SCRG1: variants seen among roughly 807,000 people sequenced by gnomAD.
The protein encoded by SCRG1 is stimulator of chondrogenesis 1.
SCRG1 carries 3 observed loss-of-function variants against 7.7 expected under a neutral mutation model. The observed-to-expected ratio is 0.39, with a 90% CI of 0.18 to 1.01. The LOEUF is 1.01. Ranked by LOEUF, SCRG1 falls within the 50% of genes least tolerant of loss-of-function variation. The probability of loss-of-function intolerance (pLI) is 0.36; values close to 1 mark genes in which losing one functional copy is unlikely to be tolerated. For missense variants in SCRG1, 110 were observed against 117.2 expected (o/e 0.94, Z 0.28); for synonymous variants, 46 against 41.2 (o/e 1.12, Z -0.44).
chr4:173,489,760 G>C, the SCRG1 span, among the ~76,000 whole-genome samples: 1 of 152,168 alleles, frequency 6.6e-6, no homozygotes. Flanking sequence ...GCTTAAGAAA[G>C]AGGTTAATGA....
At chr4:173,429,997 TG>T in the SCRG1 span, among the ~76,000 whole-genome samples, 2 of 12,134 alleles carry the variant, frequency 1.6e-4, no homozygotes, top group Admixed American at 1.8e-3. Flanking sequence ...TTGATGGCTA[TG>T]GGTTTTTTTT....
At chr4:173,437,529 G>A in the SCRG1 span, among the ~76,000 whole-genome samples, 1 of 152,090 alleles carries the variant, frequency 6.6e-6, no homozygotes, top group Non-Finnish European at 1.5e-5. Flanking sequence ...AAAACAAAAG[G>A]TCTTATTAAC....
the SCRG1 span, among the ~76,000 whole-genome samples, chr4:173,485,101 ATT>A: frequency 0.068 from 921 of 13,514 alleles, 201 homozygotes; most frequent in Admixed American, 0.16. Context: ...TATATTATAT[ATT>A]ATATATTATA....
chr4:173,505,649 C>G, the SCRG1 span, among the ~76,000 whole-genome samples: 1 of 152,040 alleles, frequency 6.6e-6, no homozygotes, highest in Non-Finnish European at 1.5e-5. This position sits in a 1 kb window ranked among gnomAD's most constrained non-coding sequence, Gnocchi z 4.4. Context: ...TTTGCCTGTT[C>G]TATCTCACTC....
chr4:173,413,049 C>T, the SCRG1 span, among the ~76,000 whole-genome samples: 1 of 151,998 alleles, frequency 6.6e-6, no homozygotes. Flanking sequence ...TCCTGCCACT[C>T]TGTGAACCAC....
At chr4:173,448,141 C>CAGG in the SCRG1 span, among the ~76,000 whole-genome samples, 1 of 152,138 alleles carries the variant, frequency 6.6e-6, no homozygotes, top group African/African-American at 2.4e-5. Flanking sequence ...AAAAACCCAT[C>CAGG]AGGATGGGGG....
the SCRG1 span, among the ~76,000 whole-genome samples, chr4:173,493,502 C>A: frequency 6.6e-6 from 1 of 151,854 alleles, no homozygotes; most frequent in African/African-American, 2.4e-5. Flanking sequence ...CTTGTAGTCC[C>A]AGCTACTTGG....
At chr4:173,486,215 A>G in the SCRG1 span, among the ~76,000 whole-genome samples, 4 of 152,186 alleles carry the variant, frequency 2.6e-5, no homozygotes, top group African/African-American at 9.6e-5. Flanking sequence ...TTTTTTAAAG[A>G]TTAAAGCAAT....
the SCRG1 span, among the ~76,000 whole-genome samples, chr4:173,483,824 T>TATATATA: frequency 3.2e-5 from 3 of 93,624 alleles, 1 homozygote; most frequent in Non-Finnish European, 5.4e-5. Context: ...ATATATATAA[T>TATATATA]ATATATAATA....
chr4:173,497,947 G>T, the SCRG1 span, among the ~76,000 whole-genome samples: 98,324 of 151,954 alleles, frequency 0.65, 34,085 homozygotes, highest in Non-Finnish European at 0.79. Flanking sequence ...CCCAAAGTGC[G>T]GGGATTACAG....
chr4:173,463,272 A>G, the SCRG1 span, among the ~76,000 whole-genome samples: 1 of 151,852 alleles, frequency 6.6e-6, no homozygotes, highest in Non-Finnish European at 1.5e-5. Context: ...TGTTTTTATT[A>G]TTTATTTATT....
chr4:173,458,748 T>C, the SCRG1 span, among the ~76,000 whole-genome samples: 1 of 152,094 alleles, frequency 6.6e-6, no homozygotes, highest in South Asian at 2.1e-4. Context: ...GAGTAACTCA[T>C]TACCTATCAA....
chr4:173,506,821 A>T, the SCRG1 span, among the ~76,000 whole-genome samples: 5 of 152,278 alleles, frequency 3.3e-5, no homozygotes, highest in East Asian at 9.7e-4. This position sits in a 1 kb window ranked among gnomAD's most constrained non-coding sequence, Gnocchi z 5.3. Context: ...AGTCCAGTCC[A>T]GGGTAACTGG....
chr4:173,507,312 C>A, the SCRG1 span, among the ~76,000 whole-genome samples: 5 of 152,248 alleles, frequency 3.3e-5, no homozygotes, highest in East Asian at 9.7e-4. The surrounding 1 kb of genome is among the most constrained non-coding windows in gnomAD (Gnocchi z 4.4). Flanking sequence ...CGGGTTCAAG[C>A]GATTCTCCTG....
At chr4:173,511,181 T>C in the SCRG1 span, among the ~76,000 whole-genome samples, 2 of 152,160 alleles carry the variant, frequency 1.3e-5, no homozygotes, top group African/African-American at 4.8e-5. The surrounding 1 kb of genome is among the most constrained non-coding windows in gnomAD (Gnocchi z 5.2). Flanking sequence ...TTTCACCATG[T>C]TGGCCAGGCT....
At chr4:173,392,826 C>A (rs537003147) in intron 1 of SCRG1, among the ~76,000 whole-genome samples, 3 of 152,148 alleles carry the variant, frequency 2.0e-5, no homozygotes, top group African/African-American at 7.2e-5. Context: ...CGTGGTGGCT[C>A]ACACCTGTAA....
At chr4:173,483,277 A>ATC in the SCRG1 span, among the ~76,000 whole-genome samples, 1 of 40,574 alleles carries the variant, frequency 2.5e-5, no homozygotes, top group Non-Finnish European at 4.9e-5. Context: ...TATGATATAT[A>ATC]ATATATGATA....
upstream of SCRG1, among the ~76,000 whole-genome samples, chr4:173,408,428 C>T (rs1739966566): frequency 1.3e-5 from 2 of 152,132 alleles, no homozygotes; most frequent in Admixed American, 1.3e-4. Flanking sequence ...ACTATGCTTC[C>T]ACACTCTATG....
the SCRG1 span, among the ~76,000 whole-genome samples, chr4:173,416,731 G>C: frequency 1.3e-5 from 2 of 152,190 alleles, no homozygotes; most frequent in Non-Finnish European, 2.9e-5. Context: ...CTCTCCCTTC[G>C]TGTGACGGCC....
Sources: allele counts gnomAD v4.1 joint callset (sites outside exome capture counted in the v4.1 genomes callset), GRCh38; gene constraint gnomAD v4.1.1; non-coding constraint Gnocchi (gnomAD v3.1); transcripts MANE v1.5; gene names NCBI Gene and HGNC (gene_info 2026-07-23, HGNC 2026-07-21).